Variants in ARHGEF3 observed in about 807,000 individuals in gnomAD.
The protein encoded by ARHGEF3 is Rho guanine nucleotide exchange factor 3.
In ARHGEF3, 28 loss-of-function variants were observed where a neutral mutation model predicts 63.2. The observed-to-expected ratio is 0.44, with a 90% CI of 0.33 to 0.61. The LOEUF is 0.61. Ranked by LOEUF, ARHGEF3 falls within the 20% of genes least tolerant of loss-of-function variation. The probability of loss-of-function intolerance (pLI) is 0.03; values close to 1 mark genes in which losing one functional copy is unlikely to be tolerated. For synonymous variants in ARHGEF3, 266 were observed against 254.2 expected (o/e 1.05, Z -0.44); for missense variants, 533 against 659.3 (o/e 0.81, Z 2.10).
At chr3:56,944,385 C>T (rs1699356092) in intron 3 of ARHGEF3, among the ~76,000 whole-genome samples, 1 of 151,920 alleles carries the variant, frequency 6.6e-6, no homozygotes, top group Non-Finnish European at 1.5e-5. Flanking sequence ...GATTCCAACC[C>T]TCATGGATGA....
intron 4 of ARHGEF3, among the ~76,000 whole-genome samples, chr3:56,832,867 G>A (rs2038977035): frequency 6.6e-6 from 1 of 152,146 alleles, no homozygotes; most frequent in Non-Finnish European, 1.5e-5. Context: ...CATACAAATG[G>A]AATCAAATAA....
chr3:56,798,537 G>GTTTTTTTTTTTT (rs368922829), intron 1 of ARHGEF3, among the ~76,000 whole-genome samples: 1 of 139,276 alleles, frequency 7.2e-6, no homozygotes, highest in Admixed American at 7.1e-5. Context: ...TCTTTACTTC[G>GTTTTTTTTTTTT]TTTTTTTTTT....
intron 4 of ARHGEF3, among the ~76,000 whole-genome samples, chr3:56,834,329 G>A (rs768310557): frequency 5.9e-5 from 9 of 152,172 alleles, no homozygotes; most frequent in African/African-American, 1.9e-4. Context: ...TAGGTATGAA[G>A]TAGAAAGCAG....
At chr3:56,762,268 A>C (rs560423354) in intron 2 of ARHGEF3, among the ~76,000 whole-genome samples, 26 of 152,322 alleles carry the variant, frequency 1.7e-4, no homozygotes, top group African/African-American at 5.8e-4. Flanking sequence ...GGATGCTGGG[A>C]CCGGAGTGAA....
At chr3:56,843,994 G>A (rs2039402848) in intron 4 of ARHGEF3, among the ~76,000 whole-genome samples, 1 of 152,130 alleles carries the variant, frequency 6.6e-6, no homozygotes, top group Non-Finnish European at 1.5e-5. Flanking sequence ...ATGAATCTCA[G>A]ACTCATCAAT....
At chr3:57,068,919 AT>A (rs35984791) in intron 1 of ARHGEF3, among the ~76,000 whole-genome samples, 2,305 of 138,212 alleles carry the variant, frequency 0.017, 37 homozygotes, top group African/African-American at 0.048. Context: ...AAAAGATCTG[AT>A]TTTTTTTTTT....
chr3:56,910,300 T>C (rs927410439), intron 3 of ARHGEF3, among the ~76,000 whole-genome samples: 1 of 152,174 alleles, frequency 6.6e-6, no homozygotes, highest in Non-Finnish European at 1.5e-5. Flanking sequence ...CAAAGACCCA[T>C]ATTTTGGCCA....
intron 2 of ARHGEF3, among the ~76,000 whole-genome samples, chr3:57,018,793 C>G (rs571799262): frequency 3.9e-5 from 6 of 152,176 alleles, no homozygotes; most frequent in Non-Finnish European, 8.8e-5. Flanking sequence ...CATTAATCCC[C>G]ACAACCAATA....
At chr3:56,753,379 G>A in intron 4 of ARHGEF3, 125 bp downstream of exon 4, 1 of 766,736 alleles carries the variant, frequency 1.3e-6, no homozygotes, top group Non-Finnish European at 2.1e-6. Context: ...CCCACTGCTT[G>A]GTGTGTGGTA....
At chr3:57,000,421 CCAGT>C (rs1262667614) in intron 2 of ARHGEF3, among the ~76,000 whole-genome samples, 37 of 152,132 alleles carry the variant, frequency 2.4e-4, no homozygotes, top group African/African-American at 8.0e-4. Context: ...ACATCCCTCC[CCAGT>C]CAAATTCCTC....
At chr3:57,020,790 G>C (rs1194201301) in intron 2 of ARHGEF3, among the ~76,000 whole-genome samples, 1 of 152,198 alleles carries the variant, frequency 6.6e-6, no homozygotes, top group African/African-American at 2.4e-5. Context: ...TTCCATTCCT[G>C]TGGGCCATTA....
intron 2 of ARHGEF3, among the ~76,000 whole-genome samples, chr3:57,004,800 C>T (rs991104184): frequency 4.6e-5 from 7 of 152,000 alleles, no homozygotes; most frequent in African/African-American, 7.2e-5. Flanking sequence ...ACCCTGTCTC[C>T]GTTCTAAAAA....
intron 6 of ARHGEF3, among the ~76,000 whole-genome samples, chr3:56,750,461 C>G (rs2034668816): frequency 6.6e-6 from 1 of 152,168 alleles, no homozygotes; most frequent in South Asian, 2.1e-4. Context: ...ATACCCAGCT[C>G]TCCTATAAAT....
At chr3:57,064,301 ATTCTTTCTTTTTTTT>A (rs1377835293) in intron 1 of ARHGEF3, among the ~76,000 whole-genome samples, 8 of 151,818 alleles carry the variant, frequency 5.3e-5, no homozygotes, top group South Asian at 2.1e-4. Context: ...CAAGAAGGAA[ATTCTTTCTTTTTTTT>A]TTCTTTCTTT....
At chr3:56,810,137 A>T (rs1346342274) in intron 4 of ARHGEF3, among the ~76,000 whole-genome samples, 1 of 152,252 alleles carries the variant, frequency 6.6e-6, no homozygotes, top group African/African-American at 2.4e-5. Flanking sequence ...AAATGTATAC[A>T]TTCCAGCTTT....
At chr3:56,974,009 C>T (rs1428761322) in intron 2 of ARHGEF3, among the ~76,000 whole-genome samples, 1 of 152,074 alleles carries the variant, frequency 6.6e-6, no homozygotes, top group Non-Finnish European at 1.5e-5. Context: ...TTGCTTGTGC[C>T]CAGGAGGTGG....
chr3:57,042,665 TATATATATATATATATATATA>T (rs1704240444), intron 1 of ARHGEF3, among the ~76,000 whole-genome samples: 3 of 6,682 alleles, frequency 4.5e-4, no homozygotes, highest in East Asian at 0.011. Flanking sequence ...TATATATATA[TATATATATATATATATATATA>T]TATATATATA....
intron 4 of ARHGEF3, among the ~76,000 whole-genome samples, chr3:56,836,726 C>T (rs2039123924): frequency 6.6e-6 from 1 of 152,046 alleles, no homozygotes; most frequent in Non-Finnish European, 1.5e-5. Context: ...AGGAATTTGA[C>T]ACTAGCTTAG....
At chr3:56,894,249 T>A (rs1025093065) in intron 3 of ARHGEF3, among the ~76,000 whole-genome samples, 1 of 152,230 alleles carries the variant, frequency 6.6e-6, no homozygotes, top group African/African-American at 2.4e-5. Context: ...TCAACTGTGT[T>A]CTTTCTGAGA....
Sources: gnomAD v4.1 joint callset for allele counts (sites outside exome capture counted in the v4.1 genomes callset) on GRCh38, gnomAD v4.1.1 for gene constraint, MANE v1.5 for transcripts, NCBI Gene and HGNC (gene_info 2026-07-23, HGNC 2026-07-21) for gene names.